The following AUNIP variants were observed in gnomAD, a reference collection of about 807,000 sequenced individuals.
AUNIP encodes aurora kinase A- and ninein-interacting protein.
AUNIP carries 16 observed loss-of-function variants against 12.2 expected under a neutral mutation model. The observed-to-expected ratio is 1.31, with a 90% CI of 0.88 to 1.99. The LOEUF (loss-of-function observed/expected upper bound fraction) is 1.99, where lower values mean the gene tolerates loss of function less well. Ranked by LOEUF, AUNIP falls within the 30% of genes most tolerant of loss-of-function variation. AUNIP has a pLI of 0.00. For synonymous variants in AUNIP, 142 were observed against 154.8 expected, an observed-to-expected ratio of 0.92 and a Z score of 0.61; for missense variants, 411 against 419.1, an observed-to-expected ratio of 0.98 and a Z score of 0.17.
Position 25,835,792 on chromosome 1 carries a change from A to T in AUNIP, c.275T>A (p.Ile92Asn). ...CGCATTTTTCTTGGACTCTTTGTTG[A>T]TCTGACTTTCTGTATGAGATGAAAC... ...KSVSSHTESQ[I>N]NKESKKNATQ... The change falls in exon 3 of 3, where the codon ATC (isoleucine) becomes AAC (asparagine). Residue 92 changes from isoleucine to asparagine, a missense_variant. Transcript: ENST00000374298. 1 of 1,614,166 alleles carries T rather than the reference A, an allele frequency of 6.2e-7. No homozygotes were observed. Among genetic ancestry groups the T allele is most frequent in the Non-Finnish European group, 8.5e-7 (1 of 1,180,036 alleles).
chr1:25,836,576 CAA>C (rs2124495370), intron 2 of AUNIP, among the ~76,000 whole-genome samples: 1 of 152,290 alleles, frequency 6.6e-6, no homozygotes, highest in African/African-American at 2.4e-5. Context: ...ATTATAAAAA[CAA>C]AGCAGAATAA....
rs1025402050 is a variant in AUNIP at position 25,859,384 on chromosome 1, G to A, written c.-27C>T. Reference sequence around the variant, plus strand: ...GCCGCTGAGGAGACGAAGCCGGCAGGACGCCGGCGCAGGCTCCCGGCGCCT... The same window carrying A: ...GCCGCTGAGGAGACGAAGCCGGCAGAACGCCGGCGCAGGCTCCCGGCGCCT... On this transcript the variant is annotated 5_prime_UTR_variant, in exon 1 of 3. Transcript: ENST00000374298. 5 of 1,489,268 alleles carry A rather than the reference G, an allele frequency of 3.4e-6. No homozygotes were observed. In the African/African-American group the frequency reaches 4.4e-5, roughly 13 times the overall value. The allele number at this position is 1,489,268 out of a possible 1,614,324, so 92.3% of individuals were successfully genotyped here. A position where few individuals can be genotyped will look rare whatever the true frequency, so the allele number is the denominator to read the frequency against.
chr1:25,833,977 A>G, downstream of AUNIP: 4 of 951,462 alleles, frequency 4.2e-6, no homozygotes, highest in Non-Finnish European at 5.0e-6. Context: ...AAAATTGGTA[A>G]TGGTTTAATT....
At chr1:25,833,664 G>A (rs369407067), downstream of AUNIP, among the ~76,000 whole-genome samples, 3 of 151,962 alleles carry the variant, frequency 2.0e-5, no homozygotes, top group African/African-American at 7.2e-5. Flanking sequence ...TGAGGTGGGA[G>A]AATCACTTGC....
chr1:25,832,546 C>CTTCCTTGTCTAGATGT, downstream of AUNIP: 1 of 210,366 alleles, frequency 4.8e-6, no homozygotes, highest in Middle Eastern at 2.0e-3. Context: ...ACCCTCCTCA[C>CTTCCTTGTCTAGATGT]TTCCTTGTCT....
chr1:25,835,916 T>C, intron 2 of AUNIP, 70 bp from the exon 3 acceptor site: 1 of 1,560,684 alleles, frequency 6.4e-7, no homozygotes, highest in East Asian at 2.2e-5. Flanking sequence ...AGTTGGCTTT[T>C]TCTGAAATCA....
At chr1:25,854,489 G>A (rs985177773) in intron 1 of AUNIP, among the ~76,000 whole-genome samples, 12 of 152,184 alleles carry the variant, frequency 7.9e-5, no homozygotes, top group Non-Finnish European at 1.5e-4. Flanking sequence ...GTCCAAAAAT[G>A]TAGTTTAAAT....
intron 1 of AUNIP, among the ~76,000 whole-genome samples, chr1:25,849,494 T>C (rs2048411372): frequency 6.6e-6 from 1 of 152,226 alleles, no homozygotes; most frequent in Non-Finnish European, 1.5e-5. Context: ...TTATGTGTCA[T>C]ACAATATCTG....
intron 1 of AUNIP, among the ~76,000 whole-genome samples, chr1:25,855,324 C>G (rs1187347885): frequency 6.6e-6 from 1 of 152,072 alleles, no homozygotes; most frequent in Non-Finnish European, 1.5e-5. Flanking sequence ...CACTCCTCCG[C>G]CCATGATAAA....
chr1:25,854,900 G>A (rs537014451), intron 1 of AUNIP, among the ~76,000 whole-genome samples: 2 of 151,280 alleles, frequency 1.3e-5, no homozygotes, highest in African/African-American at 2.4e-5. Flanking sequence ...CTCCCAAAGA[G>A]ACAATGAAGC....
At chr1:25,845,115 C>A (rs1371540994) in intron 1 of AUNIP, among the ~76,000 whole-genome samples, 1 of 152,168 alleles carries the variant, frequency 6.6e-6, no homozygotes, top group Non-Finnish European at 1.5e-5. Flanking sequence ...CTCTGCAGAA[C>A]TGAAAACACA....
chr1:25,839,318 C>A (rs1235172994), intron 1 of AUNIP, among the ~76,000 whole-genome samples: 2 of 152,188 alleles, frequency 1.3e-5, no homozygotes, highest in East Asian at 1.9e-4. Context: ...AGAAGGGAGA[C>A]CTCTGCATAG....
intron 1 of AUNIP, among the ~76,000 whole-genome samples, chr1:25,839,034 G>A (rs7523279): frequency 0.79 from 119,453 of 152,160 alleles, 47,158 homozygotes; most frequent in East Asian, 0.98. Context: ...ATGTTGTGTT[G>A]CTGGTACAGA....
intron 2 of AUNIP, among the ~76,000 whole-genome samples, chr1:25,836,401 G>C (rs2048303161): frequency 6.6e-6 from 1 of 152,200 alleles, no homozygotes; most frequent in African/African-American, 2.4e-5. Flanking sequence ...GAAAGGGAGT[G>C]AAGACACAAT....
rs1169422253 is a variant in AUNIP at position 25,850,577 on chromosome 1, A to C, written c.78+8703T>G. Among the ~76,000 whole-genome samples, 5 of 152,236 alleles carry C rather than the reference A, an allele frequency of 3.3e-5. No individual in the cohort carries two copies. In the South Asian group the frequency reaches 1.0e-3, roughly 32 times the overall value. On this transcript the variant is annotated intron_variant, in intron 1 of 2. Coordinates refer to ENST00000374298, the MANE Select transcript of AUNIP (RefSeq NM_024037.3). ...CATGTAATGTCTTTCCATTATTTAC[A>C]TTTTTAATTTCTTTCAATGAGTTTT...
At chr1:25,842,556 T>C (rs2124502353) in intron 1 of AUNIP, among the ~76,000 whole-genome samples, 1 of 152,342 alleles carries the variant, frequency 6.6e-6, no homozygotes, top group South Asian at 2.1e-4. Flanking sequence ...AAACAACAGA[T>C]TGTCACTGTA....
chr1:25,843,741 G>T (rs1316729353), intron 1 of AUNIP, among the ~76,000 whole-genome samples: 1 of 151,310 alleles, frequency 6.6e-6, no homozygotes, highest in African/African-American at 2.4e-5. Context: ...GGAAGTAATT[G>T]TAAATGTGAT....
intron 1 of AUNIP, among the ~76,000 whole-genome samples, chr1:25,850,211 A>AAAC (rs140025145): frequency 1.3e-4 from 20 of 151,796 alleles, no homozygotes; most frequent in East Asian, 7.7e-4. Context: ...CTGATTCTAA[A>AAAC]AACAACAACA....
intron 1 of AUNIP, among the ~76,000 whole-genome samples, chr1:25,854,040 G>A (rs971739468): frequency 3.9e-5 from 6 of 152,114 alleles, no homozygotes; most frequent in Non-Finnish European, 7.4e-5. Flanking sequence ...GTAAAACCCC[G>A]TCTGTACTAA....
Sources: gnomAD v4.1 joint callset for allele counts (sites outside exome capture counted in the v4.1 genomes callset) on GRCh38, gnomAD v4.1.1 for gene constraint, MANE v1.5 for transcripts, NCBI Gene and HGNC (gene_info 2026-07-23, HGNC 2026-07-21) for gene names.